The following L3MBTL3 variants were observed in gnomAD, a reference collection of about 807,000 sequenced individuals.
L3MBTL3 encodes the protein lethal(3)malignant brain tumor-like protein 3.
A neutral mutation model predicts 102.3 loss-of-function variants in L3MBTL3; 27 were observed. The ratio of observed to expected loss-of-function variants is 0.26; its 90% CI spans 0.19 to 0.36. The LOEUF is 0.36. Ranked by LOEUF, L3MBTL3 falls within the 10% of genes least tolerant of loss-of-function variation. The pLI is 1.00. For missense variants in L3MBTL3, 798 were observed against 955.3 expected, an observed-to-expected ratio of 0.84 and a Z score of 2.17; for synonymous variants, 340 against 320.9, an observed-to-expected ratio of 1.06 and a Z score of -0.64.
At chr6:130,025,674 T>A (rs1779296168) in intron 2 of L3MBTL3, among the ~76,000 whole-genome samples, 1 of 152,130 alleles carries the variant, frequency 6.6e-6, no homozygotes, top group African/African-American at 2.4e-5. Flanking sequence ...TTGGAATTGA[T>A]TAGTTGGATG....
At chr6:130,035,871 TC>T (rs990794373) in intron 2 of L3MBTL3, among the ~76,000 whole-genome samples, 18 of 152,152 alleles carry the variant, frequency 1.2e-4, no homozygotes, top group Non-Finnish European at 2.2e-4. Context: ...TCAGGATACT[TC>T]CTTAGGAAAT....
chr6:130,029,538 A>G (rs1381867071), intron 2 of L3MBTL3, among the ~76,000 whole-genome samples: 1 of 152,144 alleles, frequency 6.6e-6, no homozygotes, highest in Non-Finnish European at 1.5e-5. Context: ...CTTTATAAGA[A>G]CTTGGCAAAA....
chr6:130,051,254 T>C lies in L3MBTL3; in HGVS notation c.295T>C (p.Ser99Pro). 1 of 1,611,294 alleles carries C rather than the reference T, an allele frequency of 6.2e-7. No individual in the cohort carries two copies. The highest frequency in any genetic ancestry group is 1.1e-5 in the South Asian group (1 of 90,456). The change falls in exon 6 of 23, where the codon TCA (serine) becomes CCA (proline). Residue 99 changes from serine to proline, a missense_variant. This residue lies in a region of L3MBTL3 where 434 missense variants were observed against 506.6 expected (regional missense o/e 0.86). Transcript: ENST00000361794. ...TTCTTCTTTTCATCTTCTAGTCTTT[T>C]CAGAGAAGACTGGGATGCCTTTCAG... is the stretch of plus-strand genomic sequence containing the variant. ...TSPPGCPTVF[S>P]EKTGMPFRLK...
At chr6:130,118,235 A>C (rs1785866453) in intron 19 of L3MBTL3, among the ~76,000 whole-genome samples, 1 of 152,192 alleles carries the variant, frequency 6.6e-6, no homozygotes, top group African/African-American at 2.4e-5. Flanking sequence ...AACGGGTGCT[A>C]TACTCGCCCT....
chr6:130,133,588 T>A lies in L3MBTL3; in HGVS notation c.2103T>A (p.Pro701=), dbSNP rs375910822. ...SKLLPTVAGI[P]ASKVSKWSTD... ...TTCTTCCAACTGTCGCAGGAATCCC[T>A]GCCAGTAAAGTTTCCAAATGGAGCA... Residue 701 remains proline (P), a synonymous_variant, in exon 21 of 23, where the codon CCT becomes CCA. Transcript: ENST00000361794. The surrounding 1 kb of genome is among the most constrained non-coding windows in gnomAD (Gnocchi z 4.9). 2.5e-6 allele frequency: 4 copies of A among 1,613,908 alleles called. No individual in the cohort carries two copies. The highest frequency in any genetic ancestry group is 3.4e-6 in the Non-Finnish European group (4 of 1,180,004).
At chr6:130,057,365 G>C (rs904415392) in intron 8 of L3MBTL3, 41 bp from the exon 9 acceptor site, 2 of 1,519,752 alleles carry the variant, frequency 1.3e-6, no homozygotes, top group Admixed American at 3.8e-5. Flanking sequence ...TGCTGGCTTA[G>C]ATTTGGAAAT....
At chr6:130,040,638 A>G (rs1207532723) in intron 2 of L3MBTL3, among the ~76,000 whole-genome samples, 1 of 152,226 alleles carries the variant, frequency 6.6e-6, no homozygotes, top group Non-Finnish European at 1.5e-5. Flanking sequence ...ATTGGCAGCT[A>G]CAAATACTGT....
intron 14 of L3MBTL3, 122 bp downstream of exon 14, chr6:130,078,756 C>T: frequency 1.6e-6 from 1 of 626,700 alleles, no homozygotes; most frequent in Non-Finnish European, 2.9e-6. Context: ...TCTGTCACCA[C>T]TACTCAAAAC....
intron 5 of L3MBTL3, 62 bp downstream of exon 5, chr6:130,049,892 C>G (rs908409412): frequency 1.3e-6 from 2 of 1,545,656 alleles, no homozygotes; most frequent in East Asian, 2.3e-5. Flanking sequence ...CCCCTCCCCA[C>G]AAACCTGCTC....
intron 5 of L3MBTL3, among the ~76,000 whole-genome samples, chr6:130,050,372 A>C (rs541486725): frequency 2.0e-5 from 3 of 152,200 alleles, no homozygotes; most frequent in Non-Finnish European, 4.4e-5. Context: ...TTCCCAACAC[A>C]TCATGTGGTT....
At chr6:130,117,863 C>CT (rs56787867) in intron 19 of L3MBTL3, among the ~76,000 whole-genome samples, 719 of 53,060 alleles carry the variant, frequency 0.014, 142 homozygotes, top group Non-Finnish European at 0.019. Context: ...GCACGCCTGA[C>CT]TTTTTTTTTT....
At chr6:130,065,972 T>C (rs994661273) in intron 10 of L3MBTL3, among the ~76,000 whole-genome samples, 2 of 152,144 alleles carry the variant, frequency 1.3e-5, no homozygotes, top group Non-Finnish European at 2.9e-5. Flanking sequence ...GGGCAGACTG[T>C]CCACTCTGGG....
intron 16 of L3MBTL3, among the ~76,000 whole-genome samples, chr6:130,090,885 C>T (rs1034267926): frequency 6.6e-6 from 1 of 152,080 alleles, no homozygotes; most frequent in South Asian, 2.1e-4. Context: ...CTGAGCCTGG[C>T]CTCAAATTTA....
chr6:130,074,240 A>G (rs535320501), intron 13 of L3MBTL3, among the ~76,000 whole-genome samples: 8 of 152,234 alleles, frequency 5.3e-5, no homozygotes, highest in Non-Finnish European at 8.8e-5. Context: ...TTGTGTTACT[A>G]CATGTTTAGT....
chr6:130,138,804 A>G (rs912824521), intron 22 of L3MBTL3, among the ~76,000 whole-genome samples: 4 of 152,170 alleles, frequency 2.6e-5, no homozygotes, highest in Admixed American at 2.6e-4. Context: ...GCTGAAAGTC[A>G]TAATGAAAGA....
At chr6:130,128,176 C>G (rs1786744731) in intron 20 of L3MBTL3, among the ~76,000 whole-genome samples, 1 of 151,854 alleles carries the variant, frequency 6.6e-6, no homozygotes, top group African/African-American at 2.4e-5. Flanking sequence ...TTGCAGTAAA[C>G]TTTAGTAGTG....
In L3MBTL3 at chr6:130,061,420, A is replaced by G. The variant is rs572006152; in HGVS notation, c.864+1280A>G. ...TATTAGTTCTCAAAACAACCTTTTG[A>G]GGCAGAACCCTTTCCCTCCCATTTT... On this transcript the variant is annotated intron_variant, in intron 10 of 22. Coordinates refer to ENST00000361794, the MANE Select transcript of L3MBTL3 (RefSeq NM_032438.4). Among the ~76,000 whole-genome samples, 29 of 152,316 alleles carry G rather than the reference A, an allele frequency of 1.9e-4. No individual in the cohort carries two copies. The South Asian group carries it at 5.4e-3, about 28-fold the overall frequency.
At chr6:130,043,983 C>T (rs9375697) in intron 3 of L3MBTL3, among the ~76,000 whole-genome samples, 72,208 of 152,040 alleles carry the variant, frequency 0.47, 19,659 homozygotes, top group East Asian at 0.76. Flanking sequence ...CCAGTTAATC[C>T]CTTTCGGTCA....
chr6:130,041,288 G>T (rs148898348), intron 2 of L3MBTL3, among the ~76,000 whole-genome samples: 3 of 152,280 alleles, frequency 2.0e-5, no homozygotes, highest in Admixed American at 2.0e-4. Context: ...CTTCATAGAT[G>T]GTGTTGGGTT....
Sources: allele counts gnomAD v4.1 joint callset (sites outside exome capture counted in the v4.1 genomes callset), GRCh38; gene constraint gnomAD v4.1.1; regional missense constraint gnomAD v4.1.1; non-coding constraint Gnocchi (gnomAD v3.1); transcripts MANE v1.5; gene names NCBI Gene and HGNC (gene_info 2026-07-23, HGNC 2026-07-21).